AATF: variants seen among roughly 807,000 people sequenced by gnomAD.
The protein encoded by AATF is apoptosis antagonizing transcription factor.
AATF carries 48 observed loss-of-function variants against 63.7 expected under a neutral mutation model. That is an observed-to-expected ratio of 0.75 (90% CI 0.60 to 0.96). The LOEUF (loss-of-function observed/expected upper bound fraction) is 0.96, where lower values mean the gene tolerates loss of function less well. Ranked by LOEUF, AATF falls within the 40% of genes least tolerant of loss-of-function variation. AATF has a pLI of 0.00. For missense variants in AATF, 639 were observed against 685.7 expected (o/e 0.93, Z 0.76); for synonymous variants, 258 against 247.7 (o/e 1.04, Z -0.39).
intron 11 of AATF, among the ~76,000 whole-genome samples, chr17:37,041,516 T>C (rs956100232): frequency 1.3e-5 from 2 of 152,014 alleles, no homozygotes; most frequent in Admixed American, 6.6e-5. Context: ...TTCTTTTTCT[T>C]TTTTTTTGAG....
At chr17:37,016,234 A>C (rs1450028874) in intron 8 of AATF, among the ~76,000 whole-genome samples, 1 of 152,204 alleles carries the variant, frequency 6.6e-6, no homozygotes. Context: ...TTATTCCTCA[A>C]CTGTCTCTTA....
chr17:36,951,174 C>T (rs1009386228), intron 2 of AATF, among the ~76,000 whole-genome samples: 6 of 152,098 alleles, frequency 3.9e-5, no homozygotes, highest in African/African-American at 1.4e-4. Context: ...CATTTGTTTT[C>T]CTTTAGAAAG....
chr17:37,006,858 C>T (rs1045992447), intron 8 of AATF, among the ~76,000 whole-genome samples: 10 of 152,174 alleles, frequency 6.6e-5, no homozygotes, highest in Admixed American at 5.9e-4. Flanking sequence ...TAGGCCTTAG[C>T]GCTAGCTCCG....
intron 4 of AATF, among the ~76,000 whole-genome samples, chr17:36,961,765 G>T (rs7207119): frequency 1.2e-4 from 18 of 151,280 alleles, no homozygotes; most frequent in Admixed American, 7.3e-4. Context: ...CCTCTGCCCC[G>T]CCGGGTTTAA....
chr17:37,050,201 GA>G (rs1166327281), intron 11 of AATF, among the ~76,000 whole-genome samples: 1 of 152,152 alleles, frequency 6.6e-6, no homozygotes, highest in African/African-American at 2.4e-5. Context: ...TAAAATGACA[GA>G]ATTGGGTTCA....
At chr17:37,046,283 C>T (rs773137611) in intron 11 of AATF, among the ~76,000 whole-genome samples, 10 of 152,038 alleles carry the variant, frequency 6.6e-5, no homozygotes, top group South Asian at 2.1e-4. Flanking sequence ...GGGTCCTTCA[C>T]GCGGAGGAGA....
At chr17:37,004,341 A>C (rs2071325654) in intron 8 of AATF, among the ~76,000 whole-genome samples, 1 of 152,110 alleles carries the variant, frequency 6.6e-6, no homozygotes, top group African/African-American at 2.4e-5. Context: ...AAAAAGAGAG[A>C]GAGTGAGAGG....
At chr17:37,036,859 A>G (rs1299530115) in intron 11 of AATF, among the ~76,000 whole-genome samples, 15 of 152,130 alleles carry the variant, frequency 9.9e-5, no homozygotes. Context: ...ATATTGAAAG[A>G]AAACAAAAGA....
At chr17:37,042,595 T>C (rs1326670253) in intron 11 of AATF, among the ~76,000 whole-genome samples, 5 of 149,884 alleles carry the variant, frequency 3.3e-5, no homozygotes, top group South Asian at 2.1e-4. Context: ...TTTTTTTTTT[T>C]CCTGTAGAGA....
intron 7 of AATF, among the ~76,000 whole-genome samples, chr17:36,989,737 G>A (rs1047184164): frequency 6.6e-6 from 1 of 152,166 alleles, no homozygotes; most frequent in African/African-American, 2.4e-5. Flanking sequence ...AAACAAGTGT[G>A]TACTTTAGGC....
At chr17:36,987,149 G>T in intron 5 of AATF, among the ~76,000 whole-genome samples, 1 of 132,526 alleles carries the variant, frequency 7.5e-6, no homozygotes, top group African/African-American at 3.3e-5. Flanking sequence ...CACCATGCCT[G>T]GCTATTTTTT....
intron 8 of AATF, among the ~76,000 whole-genome samples, chr17:37,018,034 G>A (rs1227469407): frequency 6.6e-6 from 1 of 152,204 alleles, no homozygotes; most frequent in African/African-American, 2.4e-5. Flanking sequence ...CAGATGATTA[G>A]CAGAACTAGT....
At chr17:37,047,609 AGGCCGTG>A (rs2071704400) in intron 11 of AATF, among the ~76,000 whole-genome samples, 1 of 152,230 alleles carries the variant, frequency 6.6e-6, no homozygotes, top group Admixed American at 6.5e-5. Context: ...GACAGGCCAG[AGGCCGTG>A]TGTCACCATG....
intron 1 of AATF, among the ~76,000 whole-genome samples, chr17:36,949,805 T>TG (rs1169304569): frequency 2.0e-5 from 3 of 152,178 alleles, no homozygotes; most frequent in Admixed American, 2.0e-4. Flanking sequence ...GAGGGATAAA[T>TG]GCGAGTGCTG....
At chr17:36,975,904 G>A (rs1291045760) in intron 4 of AATF, among the ~76,000 whole-genome samples, 1 of 152,182 alleles carries the variant, frequency 6.6e-6, no homozygotes, top group East Asian at 1.9e-4. Context: ...CTTCTCTGAT[G>A]TACATGGGCT....
At chr17:37,011,127 T>G (rs1355275324) in intron 8 of AATF, among the ~76,000 whole-genome samples, 1 of 152,210 alleles carries the variant, frequency 6.6e-6, no homozygotes, top group African/African-American at 2.4e-5. Flanking sequence ...TCCCAGCACT[T>G]CAGGAGGCCA....
intron 4 of AATF, among the ~76,000 whole-genome samples, chr17:36,958,569 G>A (rs753058570): frequency 6.6e-6 from 1 of 152,142 alleles, no homozygotes; most frequent in African/African-American, 2.4e-5. Context: ...CTCACCATGA[G>A]TTATTTAAAA....
At chr17:36,983,627 A>G (rs186055231) in intron 4 of AATF, among the ~76,000 whole-genome samples, 12 of 152,294 alleles carry the variant, frequency 7.9e-5, no homozygotes, top group African/African-American at 2.6e-4. Flanking sequence ...CTGGGATTAC[A>G]GGTGTGAGCC....
chr17:36,980,787 T>C (rs2071117139), intron 4 of AATF, among the ~76,000 whole-genome samples: 3 of 152,164 alleles, frequency 2.0e-5, no homozygotes, highest in Admixed American at 6.5e-5. Context: ...TTACATGCCA[T>C]CTAGAAGGAA....
Sources: allele counts gnomAD v4.1 joint callset (sites outside exome capture counted in the v4.1 genomes callset), GRCh38; gene constraint gnomAD v4.1.1; transcripts MANE v1.5; gene names NCBI Gene and HGNC (gene_info 2026-07-23, HGNC 2026-07-21).